VGLL1: variants seen among roughly 807,000 people sequenced by gnomAD.
VGLL1 encodes vestigial like family member 1.
A neutral mutation model predicts 12.0 loss-of-function variants in VGLL1; 4 were observed. The ratio of observed to expected loss-of-function variants is 0.33; its 90% CI spans 0.16 to 0.76. VGLL1 has a LOEUF of 0.76. VGLL1 is among the 30% of genes least tolerant of loss of function. VGLL1 has a pLI of 0.60. For missense variants in VGLL1, 204 were observed against 208.7 expected (o/e 0.98, Z 0.14); for synonymous variants, 87 against 81.2 (o/e 1.07, Z -0.39).
At chrX:136,554,087 C>T (rs2075894814) in intron 4 of VGLL1, among the ~76,000 whole-genome samples, 1 of 111,824 alleles carries the variant, frequency 8.9e-6, no homozygotes, top group African/African-American at 3.3e-5. Flanking sequence ...TGGTCCCTGC[C>T]CTCACAGAGT....
At chrX:136,532,589 CTT>C (rs1446617784) in intron 1 of VGLL1, among the ~76,000 whole-genome samples, 1 of 39,426 alleles carries the variant, frequency 2.5e-5, no homozygotes, top group African/African-American at 9.4e-5. Context: ...TTCTTTCTTT[CTT>C]TCTTTCTTTC....
intron 4 of VGLL1, chrX:136,551,094 T>C (rs2075884877): frequency 3.5e-6 from 1 of 284,966 alleles, no homozygotes; most frequent in African/African-American, 2.9e-5. Context: ...TTTCTTTCTT[T>C]CTTTTTTTTT....
intron 2 of VGLL1, among the ~76,000 whole-genome samples, chrX:136,543,697 T>C (rs1308691028): frequency 9.2e-6 from 1 of 108,435 alleles, no homozygotes; most frequent in Non-Finnish European, 1.9e-5. Context: ...CTGGGGAAAC[T>C]GAGGCTACAG....
chrX:136,554,883 A>G (rs761190886), intron 4 of VGLL1, among the ~76,000 whole-genome samples: 1 of 112,498 alleles, frequency 8.9e-6, no homozygotes, highest in Non-Finnish European at 1.9e-5. Context: ...TACCTTTTAA[A>G]CAGTTGTATA....
chrX:136,542,113 T>C (rs1264518584), intron 2 of VGLL1, among the ~76,000 whole-genome samples: 2 of 109,599 alleles, frequency 1.8e-5, no homozygotes, highest in Admixed American at 9.7e-5. Context: ...AGAGGGTATA[T>C]ACGTGGGCCT....
chrX:136,550,725 C>T, intron 3 of VGLL1, 43 bp from the exon 4 acceptor site: 1 of 1,148,967 alleles, frequency 8.7e-7, no homozygotes, highest in Non-Finnish European at 1.2e-6. Flanking sequence ...TAACCTAGTC[C>T]TAGAAATTTC....
At chrX:136,541,806 T>C (rs982571600) in intron 2 of VGLL1, among the ~76,000 whole-genome samples, 1 of 112,471 alleles carries the variant, frequency 8.9e-6, no homozygotes, top group Non-Finnish European at 1.9e-5. Flanking sequence ...GCCGTCAAAT[T>C]TCCTGGCTTC....
At chrX:136,545,414 T>G (rs145035377) in intron 2 of VGLL1, among the ~76,000 whole-genome samples, 301 of 111,936 alleles carry the variant, frequency 2.7e-3, no homozygotes, top group South Asian at 7.5e-3. Context: ...CACTATGTGC[T>G]AGGCACTGTG....
intron 2 of VGLL1, among the ~76,000 whole-genome samples, chrX:136,543,192 A>G (rs1458016481): frequency 8.9e-6 from 1 of 111,958 alleles, no homozygotes; most frequent in Non-Finnish European, 1.9e-5. Flanking sequence ...AAGACTAGGT[A>G]CCCCAGGGAG....
chrX:136,555,918 T>A (rs1355219652), intron 4 of VGLL1, among the ~76,000 whole-genome samples: 1 of 110,994 alleles, frequency 9.0e-6, no homozygotes, highest in Non-Finnish European at 1.9e-5. Flanking sequence ...ATCAGTGATG[T>A]TAGCTTAGTG....
At chrX:136,553,356 G>T (rs1200436305) in intron 4 of VGLL1, among the ~76,000 whole-genome samples, 2 of 99,343 alleles carry the variant, frequency 2.0e-5, no homozygotes, top group Non-Finnish European at 4.0e-5. Context: ...TGTTGCCCAG[G>T]CTGGAGTGCA....
At position 136,542,427 on chromosome X, in the gene VGLL1, A is replaced by G. The variant is rs1390645454; in HGVS notation, c.215-6162A>G. On this transcript the variant is annotated intron_variant, in intron 2 of 4. Transcript: ENST00000370634. ...AATCCACTGTGATTTATAAAGTTCA[A>G]AGACAGGCAAATCTAACCTATGGTG... 2.7e-5 allele frequency among the ~76,000 whole-genome samples: 3 copies of G among 111,936 alleles called. No homozygotes were observed. In the Admixed American group the frequency reaches 2.8e-4, roughly 11 times the overall value.
chrX:136,551,749 C>T (rs17330843), intron 4 of VGLL1, among the ~76,000 whole-genome samples: 1,819 of 111,324 alleles, frequency 0.016, 24 homozygotes, highest in Non-Finnish European at 0.028. Context: ...TGGAGGGCAT[C>T]CTGTGTTCCC....
At chrX:136,546,234 C>T (rs1361418950) in intron 2 of VGLL1, among the ~76,000 whole-genome samples, 1 of 111,804 alleles carries the variant, frequency 8.9e-6, no homozygotes, top group East Asian at 2.8e-4. Flanking sequence ...GCAGCAGCAG[C>T]CTTGAGCCAG....
chrX:136,554,129 C>G (rs751406148), intron 4 of VGLL1, among the ~76,000 whole-genome samples: 3 of 111,338 alleles, frequency 2.7e-5, no homozygotes, highest in Admixed American at 1.9e-4. Context: ...ATGCCCACCC[C>G]CAAAGGGAAA....
intron 2 of VGLL1, among the ~76,000 whole-genome samples, chrX:136,537,749 A>G (rs1162942744): frequency 9.8e-6 from 1 of 101,881 alleles, no homozygotes; most frequent in East Asian, 3.0e-4. Context: ...TTTTTTTTGT[A>G]GAGACAGGAT....
chrX:136,556,633 C>T lies in VGLL1; in HGVS notation c.*94C>T. Reference sequence around the variant, plus strand: ...AGATAAAAATGAAAGCTGCTCACACCCACTTGCCTCCCCAATCTGTTAAAC... The same window carrying T: ...AGATAAAAATGAAAGCTGCTCACACTCACTTGCCTCCCCAATCTGTTAAAC... On this transcript the variant is annotated 3_prime_UTR_variant, in exon 5 of 5. Coordinates refer to ENST00000370634, the MANE Select transcript of VGLL1 (RefSeq NM_016267.4). 1.3e-6 allele frequency: 1 copy of T among 787,948 alleles called. No individual in the cohort carries two copies. Among genetic ancestry groups the T allele is most frequent in the Admixed American group, 2.5e-5 (1 of 40,792 alleles). 64.9% of individuals were successfully genotyped at this position (787,948 alleles called of 1,213,427 possible).
At chrX:136,540,775 C>A (rs113814468) in intron 2 of VGLL1, among the ~76,000 whole-genome samples, 1 of 111,298 alleles carries the variant, frequency 9.0e-6, no homozygotes, top group African/African-American at 3.3e-5. Flanking sequence ...ATTTTGATCA[C>A]AAGGTGTTGA....
chrX:136,537,708 C>G (rs1018617279), intron 2 of VGLL1, among the ~76,000 whole-genome samples: 2 of 110,089 alleles, frequency 1.8e-5, no homozygotes, highest in African/African-American at 3.3e-5. Context: ...TACAGGTATG[C>G]GCCACCACAC....
Sources: allele counts gnomAD v4.1 joint callset (sites outside exome capture counted in the v4.1 genomes callset), GRCh38; gene constraint gnomAD v4.1.1; transcripts MANE v1.5; gene names NCBI Gene and HGNC (gene_info 2026-07-23, HGNC 2026-07-21).